Variants in BCL11A observed in about 807,000 individuals in gnomAD.
BCL11A encodes the protein BCL11 transcription factor A, also known as B cell CLL/lymphoma 11A.
Under a neutral mutation model 55.9 loss-of-function variants are expected in BCL11A, and 2 were observed. The ratio of observed to expected loss-of-function variants is 0.04; its 90% CI spans 0.01 to 0.11. The LOEUF is 0.11. BCL11A is among the 10% of genes least tolerant of loss of function. The pLI is 1.00. For missense variants in BCL11A, 817 were observed against 1,137.1 expected, an observed-to-expected ratio of 0.72 and a Z score of 4.05; for synonymous variants, 465 against 473.4, an observed-to-expected ratio of 0.98 and a Z score of 0.23.
Position 60,459,910 on chromosome 2 carries a change from C to T in BCL11A, c.*494G>A. The stretch of plus-strand genomic sequence containing the variant: ...ATAAAACTGTACATGATATGTATTA[C>T]AGAATGTATGCAGCATGGTCTTTTT... On this transcript the variant is annotated 3_prime_UTR_variant, in exon 4 of 4. Transcript: ENST00000642384. 5 of 1,056,746 alleles carry T rather than the reference C, an allele frequency of 4.7e-6. No individual in the cohort carries two copies. The highest frequency in any genetic ancestry group is 5.7e-6 in the Non-Finnish European group (5 of 873,948). 65.5% of individuals were successfully genotyped at this position (1,056,746 alleles called of 1,614,324 possible).
chr2:60,484,594 C>A (rs1330059137), intron 2 of BCL11A: 1 of 151,918 alleles, frequency 6.6e-6, no homozygotes, highest in Non-Finnish European at 1.5e-5. Flanking sequence ...TTTTTTTGCA[C>A]CGGTCAGCAG....
rs775749233 is a variant in BCL11A, at chr2:60,461,319, G to A, written c.1593C>T (p.Gly531=). The A allele has an allele frequency of 1.9e-6, 3 of 1,598,844 alleles. No individual in the cohort carries two copies. Among genetic ancestry groups the A allele is most frequent in the Non-Finnish European group, 2.5e-6 (3 of 1,177,758 alleles). The change falls in exon 4 of 4, where the codon GGC becomes GGT. Residue 531 remains glycine, a synonymous_variant. Coordinates refer to ENST00000642384, the MANE Select transcript of BCL11A (RefSeq NM_022893.4). ...AARHHENSSR[G]AVVGVGDESR... is the part of the protein sequence containing the mutation. ...TCTCGTCGCCCACGCCCACGACCGC[G>A]CCCCGCGAGCTGTTCTCGTGGTGGC...
At chr2:60,502,795 T>G (rs1410879466) in intron 2 of BCL11A, among the ~76,000 whole-genome samples, 1 of 152,096 alleles carries the variant, frequency 6.6e-6, no homozygotes, top group Admixed American at 6.5e-5. Flanking sequence ...TCAAAAGAAA[T>G]AAATTCTAGT....
intron 2 of BCL11A, among the ~76,000 whole-genome samples, chr2:60,511,851 A>G (rs6545818): frequency 0.43 from 64,663 of 152,074 alleles, 15,100 homozygotes; most frequent in African/African-American, 0.6. Flanking sequence ...CAAGGGTTGG[A>G]GGGAGCTTTT....
chr2:60,509,278 G>C (rs1679838434), intron 2 of BCL11A, among the ~76,000 whole-genome samples: 1 of 152,202 alleles, frequency 6.6e-6, no homozygotes, highest in Non-Finnish European at 1.5e-5. Flanking sequence ...TCCTTTCAAG[G>C]AAAAAGGCTC....
At chr2:60,526,547 T>A (rs1401975611) in intron 2 of BCL11A, 1 of 152,228 alleles carries the variant, frequency 6.6e-6, no homozygotes, top group Non-Finnish European at 1.5e-5. Flanking sequence ...TAGAACTTAA[T>A]AATTTGCATC....
intron 3 of BCL11A, among the ~76,000 whole-genome samples, chr2:60,466,859 C>T (rs947093266): frequency 6.6e-6 from 1 of 151,934 alleles, no homozygotes; most frequent in Non-Finnish European, 1.5e-5. Flanking sequence ...TCTTCTTGAA[C>T]CTGCTTTTTT....
rs1421030076 is a variant in BCL11A, at chr2:60,467,690, G to GTGGTGGTGA, written c.487+1033_487+1041dup. Among the ~76,000 whole-genome samples the GTGGTGGTGA allele has an allele frequency of 4.7e-3, 320 of 68,254 alleles. 43 individuals carry two copies. The highest frequency in any genetic ancestry group is 0.018 in the African/African-American group (282 of 15,902). The allele number at this position is 68,254 out of a possible 152,430, so 44.8% of individuals were successfully genotyped here. A position where few individuals can be genotyped will look rare whatever the true frequency, so the allele number is the denominator to read the frequency against. On this transcript the variant is annotated intron_variant, in intron 3 of 3. Coordinates refer to ENST00000642384, the MANE Select transcript of BCL11A (RefSeq NM_022893.4). Reference sequence around the variant, plus strand: ...ACTGGTGGTGATGGTGATGGTGGTGGTGGTGGTGATGGTACTGGTGGTGAT... The same window carrying GTGGTGGTGA: ...ACTGGTGGTGATGGTGATGGTGGTGGTGGTGGTGATGGTGGTGATGGTACTGGTGGTGAT...
chr2:60,538,735 CTCTCTG>C (rs745534334), intron 2 of BCL11A, among the ~76,000 whole-genome samples: 4,677 of 68,860 alleles, frequency 0.068, 63 homozygotes, highest in Middle Eastern at 0.15. Flanking sequence ...CTCTCTCTCT[CTCTCTG>C]TGTGTGTGTG....
chr2:60,458,764 T>C lies in BCL11A; in HGVS notation c.*1640A>G, dbSNP rs1407920599. The C allele has an allele frequency of 1.9e-6, 2 of 1,032,218 alleles. No homozygotes were observed. Among genetic ancestry groups the C allele is most frequent in the Non-Finnish European group, 1.2e-6 (1 of 857,570 alleles). 63.9% of individuals were successfully genotyped at this position (1,032,218 alleles called of 1,614,324 possible). ...GAGCAGGTTTATTTTATACTCAACC[T>C]CTGTATCTCTGATTAGAGAAAAGAT... On this transcript the variant is annotated 3_prime_UTR_variant, in exon 4 of 4. Coordinates refer to ENST00000642384, the MANE Select transcript of BCL11A (RefSeq NM_022893.4).
chr2:60,454,172 G>A (rs763670324), downstream of BCL11A, among the ~76,000 whole-genome samples: 16 of 152,048 alleles, frequency 1.1e-4, no homozygotes, highest in Non-Finnish European at 1.8e-4. Context: ...AGTGCAGACC[G>A]GACAACCCAT....
In BCL11A at chr2:60,461,552, C is replaced by T. The variant is rs754152321; in HGVS notation, c.1360G>A (p.Asp454Asn). Reference sequence around the variant, plus strand: ...GCGCTGCTGGCGCTGCCCACCAAGTCGCTGGTGCCGGGTTCCGGGGAGCTG... The same window carrying T: ...GCGCTGCTGGCGCTGCCCACCAAGTTGCTGGTGCCGGGTTCCGGGGAGCTG... Reference protein sequence around the residue: ...TASSPEPGTSDLVGSASSALK... With the variant: ...TASSPEPGTSNLVGSASSALK... Residue 454 changes from aspartate to asparagine, a missense_variant, in exon 4 of 4, where the codon GAC becomes AAC. Coordinates refer to ENST00000642384, the MANE Select transcript of BCL11A (RefSeq NM_022893.4). 3.7e-6 allele frequency: 6 copies of T among 1,610,942 alleles called. 1 individual carries two copies. The South Asian group carries it at 6.6e-5, about 18-fold the overall frequency.
At chr2:60,467,078 G>GTGGTGA (rs1676657632) in intron 3 of BCL11A, among the ~76,000 whole-genome samples, 1 of 148,158 alleles carries the variant, frequency 6.7e-6, no homozygotes. Flanking sequence ...GGCAGTGGTG[G>GTGGTGA]TGGTGGTGGT....
intron 2 of BCL11A, 132 bp from the exon 3 acceptor site, chr2:60,468,965 C>A (rs1269978713): frequency 1.7e-6 from 1 of 597,892 alleles, no homozygotes; most frequent in Non-Finnish European, 2.9e-6. Flanking sequence ...AGTTAACAGG[C>A]CCAAGGCCTG....
chr2:60,497,291 A>G (rs1208724483), intron 2 of BCL11A, among the ~76,000 whole-genome samples: 1 of 152,206 alleles, frequency 6.6e-6, no homozygotes, highest in Admixed American at 6.5e-5. Flanking sequence ...GAGGGGGGAA[A>G]ATCTTTTGTA....
At chr2:60,542,493 G>A (rs1669967212) in intron 2 of BCL11A, 1 of 152,088 alleles carries the variant, frequency 6.6e-6, no homozygotes, top group Non-Finnish European at 1.5e-5. Flanking sequence ...GATATCTGAG[G>A]GTGGATATTT....
chr2:60,470,167 G>C (rs1042067861), intron 2 of BCL11A, among the ~76,000 whole-genome samples: 7 of 152,088 alleles, frequency 4.6e-5, no homozygotes, highest in Non-Finnish European at 1.0e-4. Flanking sequence ...GCTGTTACCA[G>C]GCCTGCAGAG....
chr2:60,552,263 GTATT>G (rs993257124), intron 1 of BCL11A, among the ~76,000 whole-genome samples: 3 of 152,010 alleles, frequency 2.0e-5, no homozygotes, highest in Non-Finnish European at 4.4e-5. Flanking sequence ...TTATTTTTAT[GTATT>G]TATTTATTTA....
chr2:60,458,203 T>G lies in BCL11A; in HGVS notation c.*2201A>C. On this transcript the variant is annotated 3_prime_UTR_variant, in exon 4 of 4. Transcript: ENST00000642384. ...AAAAGACCATAAATGTATTTTAGCA[T>G]AGGAATCAACATGAGTGTGCATTTT... 1 of 1,025,102 alleles carries G rather than the reference T, an allele frequency of 9.8e-7. No individual in the cohort carries two copies. Among genetic ancestry groups the G allele is most frequent in the Non-Finnish European group, 1.2e-6 (1 of 853,022 alleles). 63.5% of individuals were successfully genotyped at this position (1,025,102 alleles called of 1,614,324 possible).
Sources: gnomAD v4.1 joint callset for allele counts (sites outside exome capture counted in the v4.1 genomes callset) on GRCh38, gnomAD v4.1.1 for gene constraint, MANE v1.5 for transcripts, NCBI Gene and HGNC (gene_info 2026-07-23, HGNC 2026-07-21) for gene names.